The following PRAG1 variants were observed in gnomAD, a reference collection of about 807,000 sequenced individuals.
The protein encoded by PRAG1 is inactive tyrosine-protein kinase PRAG1.
In PRAG1, 110 loss-of-function variants were observed where a neutral mutation model predicts 95.6. That is an observed-to-expected ratio of 1.15 (90% CI 0.99 to 1.35). PRAG1 has a LOEUF of 1.35. PRAG1 is among the 40% of genes most tolerant of loss of function. The pLI is 0.00. For synonymous variants in PRAG1, 1,052 were observed against 819.4 expected (o/e 1.28, Z -4.85); for missense variants, 2,554 against 1,864.7 (o/e 1.37, Z -6.81).
intron 2 of PRAG1, 41 bp downstream of exon 2, chr8:8,381,377 G>T: frequency 6.4e-7 from 1 of 1,560,962 alleles, no homozygotes; most frequent in Non-Finnish European, 8.7e-7. Flanking sequence ...TCAAACAGGA[G>T]CAGCCCCTGT....
Position 8,381,572 on chromosome 8 carries a change from C to A in PRAG1, c.176G>T (p.Arg59Leu), listed in dbSNP as rs368380729. 8 of 1,614,160 alleles carry A rather than the reference C, an allele frequency of 5.0e-6. No homozygotes were observed. The highest frequency in any genetic ancestry group is 1.3e-5 in the African/African-American group (1 of 75,044). Reference sequence around the variant, plus strand: ...GCAGTTCTCAGGCCTGGGAGGCAGGCGCGGTGGAGGGGGCAGGCTGCCCGC... The same window carrying A: ...GCAGTTCTCAGGCCTGGGAGGCAGGAGCGGTGGAGGGGGCAGGCTGCCCGC... Reference protein sequence around the residue: ...PRAGSLPPPPRLPPRPENCRL... With the variant: ...PRAGSLPPPPLLPPRPENCRL... Residue 59 changes from arginine to leucine, a missense_variant, in exon 2 of 6, where the codon CGC becomes CTC. Transcript: ENST00000615670.
rs370105515 is a variant in PRAG1 at position 8,339,617 on chromosome 8, G to C, written c.2181C>G (p.Asn727Lys). ...CTTTTTCCAAATCAGAGCTGCTCTT[G>C]TTCATTTTTAGAAGGTGCCTGGAAA... ...PPKSRHLLKM[N>K]KSSSDLEKVS... is the part of the protein sequence containing the mutation. The change falls in exon 4 of 6, where the codon AAC (asparagine) becomes AAG (lysine). Residue 727 changes from asparagine to lysine, a missense_variant. Transcript: ENST00000615670. The C allele has an allele frequency of 3.7e-6, 6 of 1,612,040 alleles. No homozygotes were observed. In the African/African-American group the frequency reaches 5.3e-5, roughly 14 times the overall value.
intron 3 of PRAG1, among the ~76,000 whole-genome samples, chr8:8,370,949 A>C (rs1446098440): frequency 6.6e-6 from 1 of 152,044 alleles, no homozygotes; most frequent in Non-Finnish European, 1.5e-5. Flanking sequence ...GATCAGCCTG[A>C]GCAACACGGT....
chr8:8,321,624 T>C (rs1290077306), intron 5 of PRAG1, among the ~76,000 whole-genome samples: 1 of 152,150 alleles, frequency 6.6e-6, no homozygotes, highest in East Asian at 1.9e-4. Context: ...TTCAATCTCA[T>C]TAAATCCAAG....
At chr8:8,322,480 T>G (rs1798505764) in intron 5 of PRAG1, among the ~76,000 whole-genome samples, 2 of 152,160 alleles carry the variant, frequency 1.3e-5, no homozygotes, top group Admixed American at 1.3e-4. Context: ...AAAATAAAAT[T>G]CTAAGGCCCT....
chr8:8,319,055 G>C lies in PRAG1; in HGVS notation c.3320C>G (p.Ser1107Trp). Reference sequence around the variant, plus strand: ...GGGCTCCGCCTGGTGGCTGGCCGCCGAGTCCCGCACGAAGTCGGAGGCGGT... The same window carrying C: ...GGGCTCCGCCTGGTGGCTGGCCGCCCAGTCCCGCACGAAGTCGGAGGCGGT... The part of the protein sequence containing the change: ...HQTASDFVRD[S>W]AASHQAEPEA... Residue 1107 changes from serine (S) to tryptophan (W), a missense_variant, in exon 6 of 6, where the codon TCG becomes TGG. By Grantham distance (177) the Ser-to-Trp change is radical. Transcript: ENST00000615670. 1 of 1,612,460 alleles carries C rather than the reference G, an allele frequency of 6.2e-7. No individual in the cohort carries two copies. The highest frequency in any genetic ancestry group is 1.1e-5 in the South Asian group (1 of 91,038).
In PRAG1 at chr8:8,328,444, C is replaced by A. The variant is rs781608984; in HGVS notation, c.2338G>T (p.Ala780Ser). Reference protein sequence around the residue: ...CSDGGPSSELAHSPTNSGKKL... With the variant: ...CSDGGPSSELSHSPTNSGKKL... Reference sequence around the variant, plus strand: ...TTCCCGCTGTTGGTGGGCGAGTGAGCCAGCTCAGACGAGGGACCTGAAGAG... The same window carrying A: ...TTCCCGCTGTTGGTGGGCGAGTGAGACAGCTCAGACGAGGGACCTGAAGAG... The change falls in exon 5 of 6, where the codon GCT becomes TCT. Residue 780 changes from alanine (A) to serine (S), a missense_variant. By Grantham distance (99) the Ala-to-Ser change is moderately conservative. Transcript: ENST00000615670. The A allele has an allele frequency of 1.9e-6, 3 of 1,613,444 alleles. No homozygotes were observed. The highest frequency in any genetic ancestry group is 3.3e-5 in the Admixed American group (2 of 60,008).
At chr8:8,335,537 T>C (rs1213573707) in intron 4 of PRAG1, among the ~76,000 whole-genome samples, 1 of 150,332 alleles carries the variant, frequency 6.7e-6, no homozygotes, top group Non-Finnish European at 1.5e-5. Context: ...CTCTGTTGTT[T>C]GAATTTTTAT....
rs150215541 is a variant in PRAG1 at position 8,324,776 on chromosome 8, G to C, written c.3072+2934C>G. ...TCTGTTAAATAAAAAAGGCCCAGCA[G>C]CTTAAAACGGGGCCCTAATTACCAA... On this transcript the variant is annotated intron_variant, in intron 5 of 5. Transcript: ENST00000615670. Among the ~76,000 whole-genome samples, 354 of 152,350 alleles carry C rather than the reference G, an allele frequency of 2.3e-3. 1 individual carries two copies. The highest frequency in any genetic ancestry group is 8.0e-3 in the African/African-American group (332 of 41,572).
At chr8:8,348,224 T>A (rs1799410421) in intron 3 of PRAG1, among the ~76,000 whole-genome samples, 1 of 152,194 alleles carries the variant, frequency 6.6e-6, no homozygotes, top group African/African-American at 2.4e-5. Flanking sequence ...GCAATTCACA[T>A]CTTCAGAGAA....
At chr8:8,355,173 A>G (rs1322184579) in intron 3 of PRAG1, among the ~76,000 whole-genome samples, 1 of 152,192 alleles carries the variant, frequency 6.6e-6, no homozygotes, top group Non-Finnish European at 1.5e-5. Context: ...CCAACTTACA[A>G]TGGCATAAAA....
In PRAG1 at chr8:8,318,895, G is replaced by T; in HGVS notation, c.3480C>A (p.Ala1160=). The change falls in exon 6 of 6, where the codon GCC becomes GCA. Residue 1160 remains alanine (A), a synonymous_variant. Transcript: ENST00000615670. This position sits in a 1 kb window ranked among gnomAD's most constrained non-coding sequence, Gnocchi z 4.2. ...NLLLVHCTLQ[A]GPGPAPAPAP... is the part of the protein sequence containing the mutation. ...CGGGGGCGGGGGCGGGCCCGGGGCC[G>T]GCCTGGAGGGTGCAGTGCACCAGCA... The T allele has an allele frequency of 6.4e-7, 1 of 1,563,028 alleles. No homozygotes were observed. The highest frequency in any genetic ancestry group is 1.2e-5 in the South Asian group (1 of 86,172).
chr8:8,350,630 G>A (rs935724799), intron 3 of PRAG1, among the ~76,000 whole-genome samples: 5 of 152,238 alleles, frequency 3.3e-5, no homozygotes, highest in South Asian at 4.1e-4. Context: ...CTTCCTAGAC[G>A]GATTTCAGAG....
rs1308528825 is a variant in PRAG1, at chr8:8,339,525, C to T, written c.2273G>A (p.Gly758Asp). 2 of 1,614,160 alleles carry T rather than the reference C, an allele frequency of 1.2e-6. No homozygotes were observed. The highest frequency in any genetic ancestry group is 2.2e-5 in the East Asian group (1 of 44,874). Residue 758 changes from glycine (G) to aspartate (D), a missense_variant, in exon 4 of 6, where the codon GGC becomes GAC. Gly to Asp is a moderately conservative substitution (Grantham distance 94). Coordinates refer to ENST00000615670, the MANE Select transcript of PRAG1 (RefSeq NM_001080826.3). ...FRGVHVSFTTGSTDSLASDSR... is the reference protein window; with the variant it reads ...FRGVHVSFTTDSTDSLASDSR... ...GTCTGAGGCCAGGCTGTCCGTGGAGCCGGTGGTGAAGCTGACGTGGACACC... is the reference window on the plus strand; with the variant it reads ...GTCTGAGGCCAGGCTGTCCGTGGAGTCGGTGGTGAAGCTGACGTGGACACC...
chr8:8,318,532 GTC>G lies in PRAG1; in HGVS notation c.3841_3842del (p.Asp1281LeufsTer166). 1 of 1,613,304 alleles carries G rather than the reference GTC, an allele frequency of 6.2e-7. No homozygotes were observed. Among genetic ancestry groups the G allele is most frequent in the Non-Finnish European group, 8.5e-7 (1 of 1,179,890 alleles). On this transcript the variant is annotated frameshift_variant, in exon 6 of 6. Transcript: ENST00000615670. LOFTEE classifies it high-confidence loss of function. The surrounding 1 kb of genome is among the most constrained non-coding windows in gnomAD (Gnocchi z 4.2). ...FEVRAQLRER[D>X]YRQEDLPPLP... Reference sequence around the variant, plus strand: ...GCGGCGGCAGGTCCTCCTGCCGGTAGTCTCTCTCCCGCAGCTGGGCGCGCACC... The same window carrying G: ...GCGGCGGCAGGTCCTCCTGCCGGTAGTCTCTCCCGCAGCTGGGCGCGCACC...
chr8:8,328,037 G>T lies in PRAG1; in HGVS notation c.2745C>A (p.Ala915=), dbSNP rs758773659. 1 of 1,584,718 alleles carries T rather than the reference G, an allele frequency of 6.3e-7. No homozygotes were observed. Residue 915 remains alanine (A), a synonymous_variant, in exon 5 of 6, where the codon GCC becomes GCA. Coordinates refer to ENST00000615670, the MANE Select transcript of PRAG1 (RefSeq NM_001080826.3). ...TCAGCTGGGAGGATGAGGCGGAGGG[G>T]GCCCCTTTGCACTGGAGGCCAGGGC... is the stretch of plus-strand genomic sequence containing the variant. ...CGSPGLQCKG[A]PSASSSQLSV...
chr8:8,337,971 C>T (rs2117141690), intron 4 of PRAG1, among the ~76,000 whole-genome samples: 1 of 152,232 alleles, frequency 6.6e-6, no homozygotes, highest in Non-Finnish European at 1.5e-5. Context: ...CACTGCCATC[C>T]CTGTGGCTTT....
chr8:8,342,398 G>A (rs1179255543), intron 3 of PRAG1, among the ~76,000 whole-genome samples: 1 of 151,774 alleles, frequency 6.6e-6, no homozygotes, highest in South Asian at 2.1e-4. Flanking sequence ...GGGTTTCACC[G>A]TGTTAGCCAG....
chr8:8,381,621 C>A lies in PRAG1; in HGVS notation c.127G>T (p.Val43Leu). The A allele has an allele frequency of 6.2e-7, 1 of 1,613,858 alleles. No individual in the cohort carries two copies. The highest frequency in any genetic ancestry group is 1.1e-5 in the South Asian group (1 of 91,052). ...GCTCTGGGCTGGGGAGGGCCGGCCA[C>A]CAGCTGGTGGTCGCTCCGCAGGCAG... ...CFCLRSDHQL[V>L]AGPPQPRAGS... The change falls in exon 2 of 6, where the codon GTG becomes TTG. Residue 43 changes from valine (V) to leucine (L), a missense_variant. Transcript: ENST00000615670.
Sources: gnomAD v4.1 joint callset for allele counts (sites outside exome capture counted in the v4.1 genomes callset) on GRCh38, gnomAD v4.1.1 for gene constraint, Gnocchi (gnomAD v3.1) non-coding constraint, MANE v1.5 for transcripts, NCBI Gene and HGNC (gene_info 2026-07-23, HGNC 2026-07-21) for gene names.